Variants in ATP6V0A4 observed in about 807,000 individuals in gnomAD.
ATP6V0A4 encodes ATPase H+ transporting V0 subunit a4, also known as V-type proton ATPase 116 kDa subunit a 4.
In ATP6V0A4, 86 loss-of-function variants were observed where a neutral mutation model predicts 107.3. The ratio of observed to expected loss-of-function variants is 0.80; its 90% CI spans 0.67 to 0.96. The LOEUF is 0.96. Ranked by LOEUF, ATP6V0A4 falls within the 40% of genes least tolerant of loss-of-function variation. The pLI, the probability that ATP6V0A4 is intolerant of heterozygous loss-of-function variation, is 0.00. For missense variants in ATP6V0A4, 908 were observed against 1,045.6 expected (o/e 0.87, Z 1.81); for synonymous variants, 353 against 381.4 (o/e 0.93, Z 0.87).
rs148851816 is a variant in ATP6V0A4 at position 138,792,674 on chromosome 7, T to G, written c.-121+5360A>C. On this transcript the variant is annotated intron_variant, in intron 1 of 21. Transcript: ENST00000310018. Reference sequence around the variant, plus strand: ...GTGTAGTGACTCCATCATGGCTCCCTGCCATCTCGGATCTCCTGGGCTCAA... The same window carrying G: ...GTGTAGTGACTCCATCATGGCTCCCGGCCATCTCGGATCTCCTGGGCTCAA... Among the ~76,000 whole-genome samples the G allele has an allele frequency of 5.9e-4, 90 of 152,018 alleles. No individual in the cohort carries two copies. The East Asian group carries it at 0.015, about 26-fold the overall frequency.
chr7:138,721,970 G>T lies in ATP6V0A4; in HGVS notation c.2066C>A (p.Ser689Tyr). The change falls in exon 19 of 22, where the codon TCC (serine) becomes TAC (tyrosine). Residue 689 changes from serine to tyrosine, a missense_variant. Physicochemically the swap from Ser to Tyr is moderately radical, Grantham distance 144. Transcript: ENST00000310018. ...CTGGCCAGAACGGCTAGAAGGGCTGGAGCTATCACCTTCAATGTTCTCAGT... is the reference window on the plus strand; with the variant it reads ...CTGGCCAGAACGGCTAGAAGGGCTGTAGCTATCACCTTCAATGTTCTCAGT... ...DATENIEGDS[S>Y]SPSSRSGQRT... is the part of the protein sequence containing the mutation. The T allele has an allele frequency of 6.2e-7, 1 of 1,614,174 alleles. No individual in the cohort carries two copies. The highest frequency in any genetic ancestry group is 8.5e-7 in the Non-Finnish European group (1 of 1,180,032).
At position 138,745,162 on chromosome 7, in the gene ATP6V0A4, G is replaced by C; in HGVS notation, c.1439C>G (p.Ser480Cys). Residue 480 changes from serine to cysteine, a missense_variant, in exon 14 of 22, where the codon TCT becomes TGT. Physicochemically the swap from Ser to Cys is moderately radical, Grantham distance 112 (BLOSUM62 -1). Coordinates refer to ENST00000310018, the MANE Select transcript of ATP6V0A4 (RefSeq NM_020632.3). The part of the protein sequence containing the change: ...FSKSLNIFGS[S>C]WSVQPMFRNG... ...TCTGAACATGGGTTGGACACTCCAA[G>C]AAGAGCCAAAGATGTTCAAGGACTT... 1 of 1,614,226 alleles carries C rather than the reference G, an allele frequency of 6.2e-7. No individual in the cohort carries two copies. The highest frequency in any genetic ancestry group is 8.5e-7 in the Non-Finnish European group (1 of 1,180,034).
At chr7:138,749,076 TAAC>T (rs1806098135) in intron 12 of ATP6V0A4, 88 bp downstream of exon 12, 2 of 1,532,280 alleles carry the variant, frequency 1.3e-6, no homozygotes, top group East Asian at 4.5e-5. Context: ...CTCACAGTTT[TAAC>T]AAGTTCACCA....
At chr7:138,709,898 G>C (rs1803650887) in intron 20 of ATP6V0A4, 103 bp from the exon 21 acceptor site, 2 of 1,301,874 alleles carry the variant, frequency 1.5e-6, no homozygotes, top group African/African-American at 3.1e-5. Flanking sequence ...ATTTTAAATA[G>C]AGACAGGGTC....
At chr7:138,728,678 A>C in intron 18 of ATP6V0A4, 83 bp downstream of exon 18, 1 of 1,589,340 alleles carries the variant, frequency 6.3e-7, no homozygotes, top group Non-Finnish European at 8.6e-7. Context: ...GCCCAGGACG[A>C]TTCTCTCTAA....
intron 1 of ATP6V0A4, among the ~76,000 whole-genome samples, chr7:138,795,985 TTCTCAGG>T (rs1234671193): frequency 3.3e-5 from 5 of 152,182 alleles, no homozygotes; most frequent in Non-Finnish European, 7.3e-5. Context: ...TGAGAATATT[TTCTCAGG>T]TCTCAAACAT....
rs1398843206 is a variant in ATP6V0A4, at chr7:138,766,200, A to ATTT, written c.291+2579_291+2580insAAA. ...TAACACCTTAAAATATCATGTTATT[A>ATTT]TTATTTTTTTTTTTTTTTTGGAAAC... On this transcript the variant is annotated intron_variant, in intron 5 of 21. Coordinates refer to ENST00000310018, the MANE Select transcript of ATP6V0A4 (RefSeq NM_020632.3). Among the ~76,000 whole-genome samples, 81 of 84,280 alleles carry ATTT rather than the reference A, an allele frequency of 9.6e-4. 5 individuals are homozygous for ATTT. The highest frequency in any genetic ancestry group is 1.7e-3 in the East Asian group (5 of 2,984). The allele number at this position is 84,280 out of a possible 152,430, so 55.3% of individuals were successfully genotyped here. A position where few individuals can be genotyped will look rare whatever the true frequency, so the allele number is the denominator to read the frequency against.
At position 138,709,744 on chromosome 7, in the gene ATP6V0A4, C is replaced by T. The variant is rs991449515; in HGVS notation, c.2309G>A (p.Arg770Gln). ...TMVMNSGLQT[R>Q]GWGGIVGVFI... ...AACCCCGACGATTCCTCCCCAGCCT[C>T]GCGTCTGAAGGCCGCTGTTCATCAC... The change falls in exon 21 of 22, where the codon CGA becomes CAA. Residue 770 changes from arginine to glutamine, a missense_variant. By Grantham distance (43) the Arg-to-Gln change is conservative. Coordinates refer to ENST00000310018, the MANE Select transcript of ATP6V0A4 (RefSeq NM_020632.3). 8.7e-6 allele frequency: 14 copies of T among 1,613,976 alleles called. No individual in the cohort carries two copies. Among genetic ancestry groups the T allele is most frequent in the East Asian group, 2.2e-5 (1 of 44,900 alleles).
chr7:138,776,875 G>A (rs773085304), intron 2 of ATP6V0A4, among the ~76,000 whole-genome samples: 4 of 152,278 alleles, frequency 2.6e-5, no homozygotes, highest in Non-Finnish European at 4.4e-5. Context: ...GGCTGGACGC[G>A]GTGGCTCACG....
intron 17 of ATP6V0A4, among the ~76,000 whole-genome samples, chr7:138,730,474 G>A (rs1435878638): frequency 1.3e-5 from 2 of 151,710 alleles, no homozygotes; most frequent in Non-Finnish European, 1.5e-5. Context: ...GCATAACCCC[G>A]AAATGAGGTT....
intron 2 of ATP6V0A4, among the ~76,000 whole-genome samples, chr7:138,776,573 C>T (rs1346263379): frequency 2.6e-5 from 4 of 152,198 alleles, no homozygotes; most frequent in Non-Finnish European, 5.9e-5. Context: ...TCCACTTCAC[C>T]CTCCTACCTC....
chr7:138,769,144 TAA>T (rs746520257), intron 4 of ATP6V0A4, 27 bp downstream of exon 4: 1 of 1,506,148 alleles, frequency 6.6e-7, no homozygotes, highest in African/African-American at 2.0e-5. Context: ...ATTTGAACAG[TAA>T]GAAAAAAAAA....
At chr7:138,772,404 G>A (rs1312607474) in intron 2 of ATP6V0A4, among the ~76,000 whole-genome samples, 10 of 152,148 alleles carry the variant, frequency 6.6e-5, no homozygotes, top group Non-Finnish European at 2.9e-5. Context: ...CAGTCAGCAG[G>A]AATAAAATAA....
At chr7:138,733,191 CTT>C (rs777775084) in intron 16 of ATP6V0A4, 98 bp from the exon 17 acceptor site, 1,521 of 1,244,198 alleles carry the variant, frequency 1.2e-3, no homozygotes, top group Admixed American at 2.9e-3. Flanking sequence ...AATGTTCTAT[CTT>C]TTTTTTTTTT....
chr7:138,709,504 A>G (rs1048565890), intron 21 of ATP6V0A4, 120 bp downstream of exon 21: 7 of 894,354 alleles, frequency 7.8e-6, no homozygotes, highest in African/African-American at 4.9e-5. Flanking sequence ...TAAGGCTCCA[A>G]AGAGGTATGT....
chr7:138,706,870 T>G, intron 21 of ATP6V0A4, 153 bp from the exon 22 acceptor site: 1 of 671,398 alleles, frequency 1.5e-6, no homozygotes, highest in Non-Finnish European at 1.8e-6. Flanking sequence ...GGCTGATGGC[T>G]GCCATGAGAA....
intron 20 of ATP6V0A4, 89 bp downstream of exon 20, chr7:138,715,675 A>G: frequency 6.6e-7 from 1 of 1,516,698 alleles, no homozygotes. Flanking sequence ...AATAGCTCGG[A>G]GAAGTCACCT....
chr7:138,751,977 C>A (rs1281706093), intron 11 of ATP6V0A4, among the ~76,000 whole-genome samples: 1 of 152,014 alleles, frequency 6.6e-6, no homozygotes, highest in African/African-American at 2.4e-5. Flanking sequence ...AACAGCCCTG[C>A]ACTCCAGCCT....
chr7:138,760,911 C>T (rs533148242), intron 7 of ATP6V0A4, among the ~76,000 whole-genome samples: 2 of 152,072 alleles, frequency 1.3e-5, no homozygotes, highest in African/African-American at 2.4e-5. Flanking sequence ...TTCATGGCTA[C>T]GACACATCAT....
Sources: allele counts gnomAD v4.1 joint callset (sites outside exome capture counted in the v4.1 genomes callset), GRCh38; gene constraint gnomAD v4.1.1; transcripts MANE v1.5; gene names NCBI Gene and HGNC (gene_info 2026-07-23, HGNC 2026-07-21).